The following RC3H2 variants were observed in gnomAD, a reference collection of about 807,000 sequenced individuals.
RC3H2 encodes the protein roquin-2.
In RC3H2, 31 loss-of-function variants were observed where a neutral mutation model predicts 133.3. The ratio of observed to expected loss-of-function variants is 0.23; its 90% CI spans 0.17 to 0.31. The LOEUF is 0.31. Among genes scored for constraint, RC3H2 ranks in the 10% least tolerant of loss-of-function variants. The pLI is 1.00. For missense variants in RC3H2, 1,175 were observed against 1,437.2 expected, an observed-to-expected ratio of 0.82 and a Z score of 2.95; for synonymous variants, 517 against 502.2, an observed-to-expected ratio of 1.03 and a Z score of -0.40.
chr9:122,897,130 T>G, intron 2 of RC3H2, 149 bp downstream of exon 2: 1 of 653,894 alleles, frequency 1.5e-6, no homozygotes, highest in Non-Finnish European at 2.6e-6. Context: ...AATCTCACAA[T>G]GTTTTAAGGA....
intron 16 of RC3H2, 95 bp from the exon 17 acceptor site, chr9:122,854,361 G>A: frequency 7.9e-7 from 1 of 1,263,014 alleles, no homozygotes; most frequent in Non-Finnish European, 1.1e-6. Flanking sequence ...GATCAACCCT[G>A]AAAACTTCAC....
chr9:122,888,225 A>G (rs1218027594), intron 4 of RC3H2, among the ~76,000 whole-genome samples: 1 of 152,224 alleles, frequency 6.6e-6, no homozygotes, highest in Non-Finnish European at 1.5e-5. Flanking sequence ...TAGGGATATA[A>G]AAGTCAAAAC....
At chr9:122,867,248 C>A (rs1171377002) in intron 9 of RC3H2, among the ~76,000 whole-genome samples, 1 of 102,758 alleles carries the variant, frequency 9.7e-6, no homozygotes, top group Non-Finnish European at 2.1e-5. Flanking sequence ...ATCAGCCCCC[C>A]GCCCGGCCAG....
At chr9:122,864,706 C>T (rs1227325440) in intron 10 of RC3H2, among the ~76,000 whole-genome samples, 3 of 151,838 alleles carry the variant, frequency 2.0e-5, no homozygotes, top group East Asian at 1.9e-4. Flanking sequence ...CTGCAAGCTC[C>T]GCCTCCTGGG....
chr9:122,863,812 C>T (rs1244320640), intron 10 of RC3H2, among the ~76,000 whole-genome samples: 1 of 152,138 alleles, frequency 6.6e-6, no homozygotes, highest in Non-Finnish European at 1.5e-5. Flanking sequence ...TCTTGGCTCA[C>T]TGCAACCTCC....
chr9:122,877,744 TGA>T (rs1167023626), intron 8 of RC3H2, among the ~76,000 whole-genome samples, 161 bp from the exon 9 acceptor site: 7 of 152,376 alleles, frequency 4.6e-5, no homozygotes, highest in Non-Finnish European at 8.8e-5. Context: ...TTTCCTGTTG[TGA>T]GTTATGTGAC....
chr9:122,904,723 G>A (rs1832774721), intron 1 of RC3H2, among the ~76,000 whole-genome samples: 1 of 152,198 alleles, frequency 6.6e-6, no homozygotes. Context: ...GAAGCCCCAG[G>A]GCAGAAAGCT....
chr9:122,853,988 GT>G lies in RC3H2; in HGVS notation c.3080del (p.Asn1027ThrfsTer3). On this transcript the variant is annotated frameshift_variant, in exon 18 of 21. Transcript: ENST00000357244. LOFTEE classifies it high-confidence loss of function. ...SLDEGRHLTLNLLSKEIELRN... is the reference protein window; with the variant it reads ...SLDEGRHLTLXLLSKEIELRN... ...TTAGTTCAATTTCCTTGCTTAAAAG[GT>G]TTAAGGTAAGGTGACGGCCTTCATC... 6.2e-7 allele frequency: 1 copy of G among 1,614,178 alleles called. No individual in the cohort carries two copies. The highest frequency in any genetic ancestry group is 1.1e-5 in the South Asian group (1 of 91,076).
At position 122,875,768 on chromosome 9, in the gene RC3H2, A is replaced by G. The variant is rs189483344; in HGVS notation, c.1325+1703T>C. 7.2e-4 allele frequency among the ~76,000 whole-genome samples: 109 copies of G among 152,348 alleles called. 3 individuals carry two copies. The East Asian group carries it at 0.019, about 27-fold the overall frequency. The stretch of plus-strand genomic sequence containing the variant: ...CCTGAGGTGGGAAAGAGCACAGTGC[A>G]TACCACAAACTGAGAGAAGGTCAGT... On this transcript the variant is annotated intron_variant, in intron 9 of 20. Transcript: ENST00000357244.
intron 9 of RC3H2, 119 bp downstream of exon 9, chr9:122,877,352 T>A: frequency 2.7e-6 from 2 of 747,970 alleles, no homozygotes; most frequent in Non-Finnish European, 4.5e-6. Flanking sequence ...AGGCATGAGC[T>A]ATGGTGCCCA....
chr9:122,901,408 T>C (rs1457133486), intron 1 of RC3H2, among the ~76,000 whole-genome samples: 1 of 152,166 alleles, frequency 6.6e-6, no homozygotes, highest in Admixed American at 6.5e-5. Flanking sequence ...GGAAACAACC[T>C]GTAAGCTAGA....
At chr9:122,902,824 A>G (rs1000917479) in intron 1 of RC3H2, among the ~76,000 whole-genome samples, 1 of 150,370 alleles carries the variant, frequency 6.7e-6, no homozygotes, top group African/African-American at 2.5e-5. Flanking sequence ...GCACTCCAGC[A>G]TGGGTGATAG....
intron 5 of RC3H2, among the ~76,000 whole-genome samples, chr9:122,882,026 C>T (rs779847835): frequency 6.6e-6 from 1 of 151,986 alleles, no homozygotes; most frequent in African/African-American, 2.4e-5. Flanking sequence ...GAGTTCAAGG[C>T]TGCAGTGAAC....
At chr9:122,871,217 T>C (rs960601952) in intron 9 of RC3H2, among the ~76,000 whole-genome samples, 1 of 152,182 alleles carries the variant, frequency 6.6e-6, no homozygotes, top group Non-Finnish European at 1.5e-5. Context: ...TCAAGCCCAT[T>C]TGCCTTCCTC....
At chr9:122,853,114 T>G (rs1042923104) in intron 18 of RC3H2, among the ~76,000 whole-genome samples, 4 of 152,072 alleles carry the variant, frequency 2.6e-5, no homozygotes, top group Middle Eastern at 3.2e-3. Flanking sequence ...ACATGTGCTG[T>G]GTCCACTCAG....
At position 122,845,688 on chromosome 9, in the gene RC3H2, G is replaced by A. The variant is rs770218643; in HGVS notation, c.*3939C>T. The A allele has an allele frequency of 2.0e-5, 3 of 152,144 alleles. No individual in the cohort carries two copies. The highest frequency in any genetic ancestry group is 4.8e-5 in the African/African-American group (2 of 41,440). 9.4% of individuals were successfully genotyped at this position (152,144 alleles called of 1,614,324 possible). A position where few individuals can be genotyped will look rare whatever the true frequency, so the allele number is the denominator to read the frequency against. On this transcript the variant is annotated 3_prime_UTR_variant, in exon 21 of 21. Transcript: ENST00000357244. ...GCCAGCAAAGGGATACAAGGAAGAC[G>A]CTAGTATAAAGACATTACTAGCAAA...
rs1279169262 is a variant in RC3H2 at position 122,859,054 on chromosome 9, A to G, written c.1898T>C (p.Val633Ala). 3 of 1,608,470 alleles carry G rather than the reference A, an allele frequency of 1.9e-6. No homozygotes were observed. The highest frequency in any genetic ancestry group is 1.3e-5 in the African/African-American group (1 of 74,990). The change falls in exon 12 of 21, where the codon GTT becomes GCT. Residue 633 changes from valine (V) to alanine (A), a missense_variant. Physicochemically the swap from Val to Ala is moderately conservative, Grantham distance 64. Around this residue, in one of 8 missense-constraint regions of RC3H2, gnomAD observed 490 missense variants for 492.8 expected, o/e 0.99. Transcript: ENST00000357244. ...PTVPAGVAPC[V>A]PRFVRSNNVP... is the part of the protein sequence containing the mutation. Reference sequence around the variant, plus strand: ...GTTATTGGACCTCACAAAGCGAGGAACACAGGGAGCCACACCAGCTGGTAC... The same window carrying G: ...GTTATTGGACCTCACAAAGCGAGGAGCACAGGGAGCCACACCAGCTGGTAC...
intron 10 of RC3H2, among the ~76,000 whole-genome samples, chr9:122,865,091 G>A (rs183045275): frequency 6.6e-6 from 1 of 152,214 alleles, no homozygotes; most frequent in Non-Finnish European, 1.5e-5. Flanking sequence ...AACAATTCTG[G>A]TCCAGTCTCT....
chr9:122,870,149 TG>T (rs1350960010), intron 9 of RC3H2, among the ~76,000 whole-genome samples: 1 of 150,914 alleles, frequency 6.6e-6, no homozygotes, highest in Non-Finnish European at 1.5e-5. Flanking sequence ...CTGAGGCGAG[TG>T]GATTACCTGA....
Sources: allele counts gnomAD v4.1 joint callset (sites outside exome capture counted in the v4.1 genomes callset), GRCh38; gene constraint gnomAD v4.1.1; regional missense constraint gnomAD v4.1.1; transcripts MANE v1.5; gene names NCBI Gene and HGNC (gene_info 2026-07-23, HGNC 2026-07-21).